LMOD1: variants seen among roughly 807,000 people sequenced by gnomAD.
LMOD1 encodes leiomodin 1, also known as leiomodin-1.
LMOD1 carries 8 observed loss-of-function variants against 36.5 expected under a neutral mutation model. That is an observed-to-expected ratio of 0.22 (90% confidence interval 0.13 to 0.40). The LOEUF is 0.40. Ranked by LOEUF, LMOD1 falls within the 10% of genes least tolerant of loss-of-function variation. LMOD1 has a pLI of 1.00. For synonymous variants in LMOD1, 284 were observed against 288.7 expected (o/e 0.98, Z 0.17); for missense variants, 630 against 751.1 (o/e 0.84, Z 1.88).
intron 1 of LMOD1, among the ~76,000 whole-genome samples, chr1:201,935,524 T>C (rs1471726805): frequency 6.6e-5 from 10 of 152,118 alleles, no homozygotes. Flanking sequence ...TGTACACCTG[T>C]AATCCCAGCA....
At position 201,900,212 on chromosome 1, in the gene LMOD1, G is replaced by A. The variant is rs1346874167; in HGVS notation, c.801C>T (p.Asp267=). ...RGTGNTDTKK[D]DEKVKKNEPL... ...GTTCATTCTTCTTGACTTTTTCATC[G>A]TCCTTTTTGGTGTCTGTGTTCCCAG... Residue 267 remains aspartate (D), a synonymous_variant, in exon 2 of 3, where the codon GAC becomes GAT. Transcript: ENST00000367288. 22 of 1,613,602 alleles carry A rather than the reference G, an allele frequency of 1.4e-5. No individual in the cohort carries two copies. In the Middle Eastern group the frequency reaches 4.9e-4, roughly 36 times the overall value.
rs1198760230 is a variant in LMOD1 at position 201,897,655 on chromosome 1, T to C, written c.*717A>G. 1 of 152,718 alleles carries C rather than the reference T, an allele frequency of 6.5e-6. No individual in the cohort carries two copies. The highest frequency in any genetic ancestry group is 1.5e-5 in the Non-Finnish European group (1 of 68,094). 9.5% of individuals were successfully genotyped at this position (152,718 alleles called of 1,614,324 possible). A position where few individuals can be genotyped will look rare whatever the true frequency, so the allele number is the denominator to read the frequency against. ...AGCCATTCACAGCTAAAGGTTTGTA[T>C]ATATTATCAAAATCTTATGGAAAAA... is the stretch of plus-strand genomic sequence containing the variant. On this transcript the variant is annotated 3_prime_UTR_variant, in exon 3 of 3. Transcript: ENST00000367288.
intron 1 of LMOD1, among the ~76,000 whole-genome samples, chr1:201,914,382 TA>T (rs2102916342): frequency 6.6e-6 from 1 of 152,294 alleles, no homozygotes; most frequent in Admixed American, 6.5e-5. Context: ...ATGGACAGGT[TA>T]ATTTGCCTTC....
intron 1 of LMOD1, among the ~76,000 whole-genome samples, chr1:201,925,660 G>A (rs1681815985): frequency 7.5e-6 from 1 of 133,308 alleles, no homozygotes; most frequent in South Asian, 2.9e-4. Context: ...TTCAAGGCTG[G>A]AGGCTTGTTT....
intron 1 of LMOD1, among the ~76,000 whole-genome samples, chr1:201,941,616 CCGCCGG>C (rs1334074746): frequency 1.3e-5 from 2 of 152,242 alleles, no homozygotes; most frequent in Non-Finnish European, 2.9e-5. Context: ...GAGGGTTAGG[CCGCCGG>C]CCTCGGGCCT....
At chr1:201,939,462 G>A (rs1459040948) in intron 1 of LMOD1, among the ~76,000 whole-genome samples, 1 of 152,172 alleles carries the variant, frequency 6.6e-6, no homozygotes, top group East Asian at 1.9e-4. Flanking sequence ...TCAGTAAGGG[G>A]CAGGAGCAGA....
intron 1 of LMOD1, among the ~76,000 whole-genome samples, chr1:201,940,387 A>G (rs1315808169): frequency 6.6e-6 from 1 of 150,890 alleles, no homozygotes; most frequent in African/African-American, 2.4e-5. Flanking sequence ...GGGTTTTACC[A>G]TGTTGGCCAG....
chr1:201,932,601 A>C (rs1681943188), intron 1 of LMOD1, among the ~76,000 whole-genome samples: 1 of 152,004 alleles, frequency 6.6e-6, no homozygotes, highest in African/African-American at 2.4e-5. Flanking sequence ...AAAATAAAAA[A>C]ATTAGCCAGG....
Position 201,899,145 on chromosome 1 carries a change from G to T in LMOD1, c.1776+92C>A. On this transcript the variant is annotated intron_variant, in intron 2 of 2. Coordinates refer to ENST00000367288, the MANE Select transcript of LMOD1 (RefSeq NM_012134.3). The surrounding 1 kb of genome is among the most constrained non-coding windows in gnomAD (Gnocchi z 6.3). Reference sequence around the variant, plus strand: ...TCTATATCATCTGCAGCCGACATAAGCTCCTCTGCATGCCTTCCCTTTTGC... The same window carrying T: ...TCTATATCATCTGCAGCCGACATAATCTCCTCTGCATGCCTTCCCTTTTGC... 1.7e-6 allele frequency: 2 copies of T among 1,168,158 alleles called. No individual in the cohort carries two copies. The highest frequency in any genetic ancestry group is 2.4e-6 in the Non-Finnish European group (2 of 845,132). 72.4% of individuals were successfully genotyped at this position (1,168,158 alleles called of 1,614,324 possible).
rs1681787391 is a variant in LMOD1 at position 201,924,665 on chromosome 1, A to AAAAGAAAGAAAGAAAGAAAGAAG, written c.261+21414_261+21415insCTTCTTTCTTTCTTTCTTTCTTT. Among the ~76,000 whole-genome samples the AAAAGAAAGAAAGAAAGAAAGAAG allele has an allele frequency of 4.0e-4, 52 of 130,292 alleles. 1 individual carries two copies. The highest frequency in any genetic ancestry group is 1.5e-3 in the African/African-American group (50 of 33,790). The allele number at this position is 130,292 out of a possible 152,430, so 85.5% of individuals were successfully genotyped here. ...GAAAGAAAGAGAGAAAGAAAGAAAAAAAAGAAAGAAAGAAAGAAAGAAAGA... is the reference window on the plus strand; with the variant it reads ...GAAAGAAAGAGAGAAAGAAAGAAAAAAAAGAAAGAAAGAAAGAAAGAAGAAAGAAAGAAAGAAAGAAAGAAAGA... On this transcript the variant is annotated intron_variant, in intron 1 of 2. Coordinates refer to ENST00000367288, the MANE Select transcript of LMOD1 (RefSeq NM_012134.3).
At chr1:201,924,618 GAAGA>G (rs1252896402) in intron 1 of LMOD1, among the ~76,000 whole-genome samples, 11 of 145,334 alleles carry the variant, frequency 7.6e-5, no homozygotes, top group South Asian at 2.2e-4. Context: ...GGAAAAGAAA[GAAGA>G]AAGAAAGGAA....
chr1:201,934,373 C>G (rs905231432), intron 1 of LMOD1, among the ~76,000 whole-genome samples: 1 of 152,142 alleles, frequency 6.6e-6, no homozygotes, highest in African/African-American at 2.4e-5. Flanking sequence ...ACTTATCAAC[C>G]TGGCTGTATC....
At chr1:201,906,783 A>G (rs982722225) in intron 1 of LMOD1, among the ~76,000 whole-genome samples, 15 of 152,184 alleles carry the variant, frequency 9.9e-5, no homozygotes. Context: ...TAATCCTGTC[A>G]CTTTGGGAGG....
At chr1:201,936,152 A>G (rs974695238) in intron 1 of LMOD1, among the ~76,000 whole-genome samples, 9 of 150,868 alleles carry the variant, frequency 6.0e-5, no homozygotes, top group African/African-American at 1.7e-4. Context: ...CTTAGGCAGT[A>G]CTGATCACCC....
At chr1:201,939,947 G>A (rs540003598) in intron 1 of LMOD1, among the ~76,000 whole-genome samples, 7 of 152,154 alleles carry the variant, frequency 4.6e-5, no homozygotes, top group Admixed American at 2.0e-4. Context: ...AGATAAGACC[G>A]GGGCTTTGTC....
Position 201,901,267 on chromosome 1 carries a change from G to C in LMOD1, c.262-516C>G, listed in dbSNP as rs558415157. ...TGCCTGTAATCCCAACACTTTGGGA[G>C]GCTGAGGCAGGTGGATCACCTGAGG... On this transcript the variant is annotated intron_variant, in intron 1 of 2. Transcript: ENST00000367288. Among the ~76,000 whole-genome samples the C allele has an allele frequency of 1.9e-3, 284 of 151,960 alleles. 2 individuals are homozygous for C. Among genetic ancestry groups the C allele is most frequent in the African/African-American group, 6.6e-3 (273 of 41,430 alleles).
At chr1:201,915,382 G>A (rs1161866116) in intron 1 of LMOD1, among the ~76,000 whole-genome samples, 1 of 152,060 alleles carries the variant, frequency 6.6e-6, no homozygotes, top group African/African-American at 2.4e-5. Context: ...CTGGATCTCT[G>A]GGCCAGACAC....
chr1:201,912,396 G>A (rs978383695), intron 1 of LMOD1, among the ~76,000 whole-genome samples: 1 of 150,428 alleles, frequency 6.6e-6, no homozygotes, highest in African/African-American at 2.5e-5. Context: ...CTCCCCCACA[G>A]CTCCCTTCAC....
intron 1 of LMOD1, among the ~76,000 whole-genome samples, chr1:201,916,724 C>T (rs1681618111): frequency 6.6e-6 from 1 of 152,140 alleles, no homozygotes; most frequent in Non-Finnish European, 1.5e-5. Flanking sequence ...CAGTCTTCAG[C>T]CCGGCTGTGC....
Sources: allele counts gnomAD v4.1 joint callset (sites outside exome capture counted in the v4.1 genomes callset), GRCh38; gene constraint gnomAD v4.1.1; non-coding constraint Gnocchi (gnomAD v3.1); transcripts MANE v1.5; gene names NCBI Gene and HGNC (gene_info 2026-07-23, HGNC 2026-07-21).